The following SETDB1 variants were observed in gnomAD, a reference collection of about 807,000 sequenced individuals.
SETDB1 encodes the protein histone-lysine N-methyltransferase SETDB1.
A neutral mutation model predicts 137.4 loss-of-function variants in SETDB1; 31 were observed. That is an observed-to-expected ratio of 0.23 (90% CI 0.17 to 0.30). The LOEUF (loss-of-function observed/expected upper bound fraction) is 0.30. Among genes scored for constraint, SETDB1 ranks in the 10% least tolerant of loss-of-function variants. The probability of loss-of-function intolerance (pLI) is 1.00; values close to 1 mark genes in which losing one functional copy is unlikely to be tolerated. For missense variants in SETDB1, 1,113 were observed against 1,631.5 expected (o/e 0.68, Z 5.47); for synonymous variants, 548 against 579.9 (o/e 0.95, Z 0.79).
At chr1:150,947,308 A>G (rs942259877) in intron 10 of SETDB1, among the ~76,000 whole-genome samples, 8 of 151,890 alleles carry the variant, frequency 5.3e-5, no homozygotes, top group African/African-American at 1.9e-4. Flanking sequence ...TGTGTTATCT[A>G]TGGTTAGTTT....
intron 3 of SETDB1, among the ~76,000 whole-genome samples, chr1:150,938,247 A>G (rs1434754031): frequency 6.6e-6 from 1 of 150,908 alleles, no homozygotes; most frequent in Non-Finnish European, 1.5e-5. Flanking sequence ...TGAAGTACTG[A>G]TACGTGGTAC....
rs1670474728 is a variant in SETDB1 at position 150,950,917 on chromosome 1, G to A, written c.2043G>A (p.Leu681=). 1 of 1,613,846 alleles carries A rather than the reference G, an allele frequency of 6.2e-7. No homozygotes were observed. The highest frequency in any genetic ancestry group is 1.3e-5 in the African/African-American group (1 of 74,826). ...CCTATAAGCCTTTTTACTATATTTTGGACATCACTTATGGGAAGGAAGATG... is the reference window on the plus strand; with the variant it reads ...CCTATAAGCCTTTTTACTATATTTTAGACATCACTTATGGGAAGGAAGATG... ...FQPYKPFYYI[L]DITYGKEDVP... The change falls in exon 13 of 22, where the codon TTG becomes TTA. Residue 681 remains leucine (L), a synonymous_variant. Coordinates refer to ENST00000692827, the MANE Select transcript of SETDB1 (RefSeq NM_001366418.1).
chr1:150,949,827 TAGTA>T (rs1463270863), intron 12 of SETDB1, among the ~76,000 whole-genome samples: 2 of 152,186 alleles, frequency 1.3e-5, no homozygotes, highest in African/African-American at 2.4e-5. Flanking sequence ...TCCTTGGAGT[TAGTA>T]AGGACATTTT....
At chr1:150,944,104 G>C in intron 8 of SETDB1, 111 bp downstream of exon 8, 1 of 799,878 alleles carries the variant, frequency 1.3e-6, no homozygotes, top group South Asian at 1.4e-5. Context: ...GTCTCAAAGA[G>C]CATAAGTTTG....
In SETDB1 at chr1:150,949,464, A is replaced by G. The variant is rs140025790; in HGVS notation, c.1522A>G (p.Thr508Ala). 4 of 1,613,864 alleles carry G rather than the reference A, an allele frequency of 2.5e-6. No individual in the cohort carries two copies. Among genetic ancestry groups the G allele is most frequent in the East Asian group, 2.2e-5 (1 of 44,890 alleles). Residue 508 changes from threonine to alanine, a missense_variant, in exon 12 of 22, where the codon ACA (threonine) becomes GCA (alanine). Physicochemically the swap from Thr to Ala is moderately conservative, Grantham distance 58. Around this residue, in one of 11 missense-constraint regions of SETDB1, gnomAD observed 192 missense variants for 198.1 expected, o/e 0.97. Transcript: ENST00000692827. ...GSVGSGHSSP[T>A]SPALSENVSG... The stretch of plus-strand genomic sequence containing the variant: ...TGTGGGCTCTGGTCATTCCTCCCCT[A>G]CATCTCCTGCACTCAGTGAAAATGT...
At chr1:150,952,356 C>A (rs914997311) in intron 14 of SETDB1, among the ~76,000 whole-genome samples, 2 of 151,902 alleles carry the variant, frequency 1.3e-5, no homozygotes, top group African/African-American at 4.8e-5. Flanking sequence ...CTATGACTTG[C>A]AATAGAATGG....
intron 1 of SETDB1, chr1:150,926,876 C>T (rs1406058765): frequency 7.5e-6 from 4 of 531,922 alleles, no homozygotes; most frequent in Non-Finnish European, 1.5e-5. Context: ...TTGCTGCAAG[C>T]TTTCGTGTGT....
At chr1:150,949,643 G>C in intron 12 of SETDB1, 118 bp downstream of exon 12, 1 of 820,240 alleles carries the variant, frequency 1.2e-6, no homozygotes, top group Non-Finnish European at 1.9e-6. Context: ...GAGGAGTTTG[G>C]ACTTGAAAAG....
intron 13 of SETDB1, 119 bp downstream of exon 13, chr1:150,951,209 C>T (rs1196990461): frequency 8.1e-7 from 1 of 1,239,488 alleles, no homozygotes; most frequent in African/African-American, 1.5e-5. Context: ...TCCTCCCTCA[C>T]CTGGAACTCC....
Position 150,939,900 on chromosome 1 carries a change from G to A in SETDB1, c.413-40G>A, listed in dbSNP as rs774336923. ...CTTAATTTCCCAGAAGTTCCTCTGT[G>A]TAAGTCTCTGACACTCATTAGAGTT... is the stretch of plus-strand genomic sequence containing the variant. On this transcript the variant is annotated intron_variant, in intron 3 of 21. Transcript: ENST00000692827. 5 of 1,539,160 alleles carry A rather than the reference G, an allele frequency of 3.2e-6. No individual in the cohort carries two copies. In the East Asian group the frequency reaches 9.0e-5, roughly 28 times the overall value.
chr1:150,952,631 C>A (rs1430432529), intron 14 of SETDB1, among the ~76,000 whole-genome samples: 2 of 152,094 alleles, frequency 1.3e-5, no homozygotes, highest in African/African-American at 4.8e-5. Context: ...GTAATCCCAG[C>A]ACTTTGGGAG....
Position 150,951,050 on chromosome 1 carries a change from T to C in SETDB1, c.2176T>C (p.Phe726Leu), listed in dbSNP as rs1264906430. 11 of 1,612,444 alleles carry C rather than the reference T, an allele frequency of 6.8e-6. No homozygotes were observed. Among genetic ancestry groups the C allele is most frequent in the African/African-American group, 1.3e-5 (1 of 74,884 alleles). The change falls in exon 13 of 22, where the codon TTT becomes CTT. Residue 726 changes from phenylalanine (F) to leucine (L), a missense_variant. Physicochemically the swap from Phe to Leu is conservative, Grantham distance 22. Coordinates refer to ENST00000692827, the MANE Select transcript of SETDB1 (RefSeq NM_001366418.1). ...KGVFINTGPE[F>L]LVGCDCKDGC... ...TGTTTTCATTAACACAGGCCCTGAA[T>C]TTCTGGTTGGCTGTGACTGCAAGGA...
Position 150,961,024 on chromosome 1 carries a change from A to T in SETDB1, c.2965A>T (p.Asn989Tyr). Residue 989 changes from asparagine (N) to tyrosine (Y), a missense_variant, in exon 16 of 22, where the codon AAT becomes TAT. By Grantham distance (143) the Asn-to-Tyr change is moderately radical (BLOSUM62 -2). This residue lies in a region of SETDB1 where 373 missense variants were observed against 412.7 expected (regional missense o/e 0.90). Transcript: ENST00000692827. ...CAAGGTGGCCTCATGGTTGAGCTGC[A>T]ATAGTGTCAGTGAAGGTGGTTTTGC... ...KNKVASWLSC[N>Y]SVSEGGFADS... is the part of the protein sequence containing the mutation. The T allele has an allele frequency of 1.2e-6, 2 of 1,614,014 alleles. No individual in the cohort carries two copies. Among genetic ancestry groups the T allele is most frequent in the Non-Finnish European group, 1.7e-6 (2 of 1,180,002 alleles).
At chr1:150,962,949 A>G in intron 18 of SETDB1, 25 bp from the exon 19 acceptor site, 1 of 1,608,658 alleles carries the variant, frequency 6.2e-7, no homozygotes, top group East Asian at 2.2e-5. Context: ...TACTTCTCTT[A>G]CTTCTTACCC....
chr1:150,944,072 C>T, intron 8 of SETDB1, 79 bp downstream of exon 8: 1 of 1,007,006 alleles, frequency 9.9e-7, no homozygotes, highest in Non-Finnish European at 1.6e-6. Flanking sequence ...AGTTGAAAAG[C>T]CCTAGTGTTT....
Position 150,960,770 on chromosome 1 carries a change from A to G in SETDB1, c.2711A>G (p.Asp904Gly). The change falls in exon 16 of 22, where the codon GAT (aspartate) becomes GGT (glycine). Residue 904 changes from aspartate to glycine, a missense_variant. Asp to Gly is a moderately conservative substitution (Grantham distance 94, BLOSUM62 -1). Around this residue, in one of 11 missense-constraint regions of SETDB1, gnomAD observed 373 missense variants for 412.7 expected, o/e 0.90. Transcript: ENST00000692827. Reference protein sequence around the residue: ...SGTEDPEESNDDSSDDNFCKD... With the variant: ...SGTEDPEESNGDSSDDNFCKD... Reference sequence around the variant, plus strand: ...ACAGAGGACCCTGAAGAGTCCAATGATGATAGCTCAGATGATAACTTCTGT... The same window carrying G: ...ACAGAGGACCCTGAAGAGTCCAATGGTGATAGCTCAGATGATAACTTCTGT... The G allele has an allele frequency of 6.2e-7, 1 of 1,610,938 alleles. No individual in the cohort carries two copies. Among genetic ancestry groups the G allele is most frequent in the South Asian group, 1.1e-5 (1 of 90,528 alleles).
intron 3 of SETDB1, among the ~76,000 whole-genome samples, chr1:150,938,544 CT>C (rs774043747): frequency 6.6e-6 from 1 of 152,184 alleles, no homozygotes; most frequent in Non-Finnish European, 1.5e-5. Flanking sequence ...GTAGCCCAGG[CT>C]GGAGTGCAGT....
intron 14 of SETDB1, among the ~76,000 whole-genome samples, chr1:150,957,999 C>G (rs891454134): frequency 6.6e-6 from 1 of 152,076 alleles, no homozygotes; most frequent in Non-Finnish European, 1.5e-5. Context: ...CCAGCCTGAT[C>G]AACATGGATA....
Position 150,962,147 on chromosome 1 carries a change from C to T in SETDB1, c.3150C>T (p.Asn1050=). The change falls in exon 17 of 22, where the codon AAC becomes AAT. Residue 1050 remains asparagine, a synonymous_variant. Transcript: ENST00000692827. ...TTTTCCAGGACACTGACGACCGAAACAAGATGTCAGTGTAAGTGCCTTTTG... is the reference window on the plus strand; with the variant it reads ...TTTTCCAGGACACTGACGACCGAAATAAGATGTCAGTGTAAGTGCCTTTTG... ...QAKKEDTDDR[N]KMSVVTESSR... is the part of the protein sequence containing the mutation. 1 of 1,614,032 alleles carries T rather than the reference C, an allele frequency of 6.2e-7. No homozygotes were observed. Among genetic ancestry groups the T allele is most frequent in the Non-Finnish European group, 8.5e-7 (1 of 1,179,910 alleles).
Sources: gnomAD v4.1 joint callset for allele counts (sites outside exome capture counted in the v4.1 genomes callset) on GRCh38, gnomAD v4.1.1 for gene constraint, gnomAD v4.1.1 regional missense constraint, MANE v1.5 for transcripts, NCBI Gene and HGNC (gene_info 2026-07-23, HGNC 2026-07-21) for gene names.